RSAD2: variants seen among roughly 807,000 people sequenced by gnomAD.
RSAD2 encodes radical S-adenosyl methionine domain containing 2.
RSAD2 carries 38 observed loss-of-function variants against 37.7 expected under a neutral mutation model. The ratio of observed to expected loss-of-function variants is 1.01; its 90% CI spans 0.78 to 1.32. RSAD2 has a LOEUF of 1.32. Among genes scored for constraint, RSAD2 ranks in the 40% most tolerant of loss-of-function variants. The pLI is 0.00. For missense variants in RSAD2, 428 were observed against 437.5 expected (o/e 0.98, Z 0.19); for synonymous variants, 163 against 157.4 (o/e 1.04, Z -0.27).
rs1663676302 is a variant in RSAD2 at position 6,893,669 on chromosome 2, A to G, written c.889-2A>G. ...AAATTTGTATTAACTTCTCCTTTGC[A>G]GATGAAAGACTCCTACCTTATTCTG... On this transcript the variant is annotated splice_acceptor_variant, in intron 4 of 5. Transcript: ENST00000382040. LOFTEE classifies it high-confidence loss of function. 1 of 1,607,198 alleles carries G rather than the reference A, an allele frequency of 6.2e-7. No homozygotes were observed. The highest frequency in any genetic ancestry group is 8.5e-7 in the Non-Finnish European group (1 of 1,173,862).
chr2:6,879,233 T>C (rs1663352171), intron 1 of RSAD2, among the ~76,000 whole-genome samples: 1 of 152,074 alleles, frequency 6.6e-6, no homozygotes, highest in Non-Finnish European at 1.5e-5. Context: ...TAACTCAAAT[T>C]CCTATCATTT....
intron 1 of RSAD2, among the ~76,000 whole-genome samples, 191 bp downstream of exon 1, chr2:6,878,337 C>T (rs1249542195): frequency 1.3e-5 from 2 of 152,118 alleles, no homozygotes; most frequent in African/African-American, 2.4e-5. Context: ...GCACCTAGTC[C>T]TTCCTAAATC....
chr2:6,891,064 G>A (rs1206457234), intron 4 of RSAD2, among the ~76,000 whole-genome samples: 1 of 151,900 alleles, frequency 6.6e-6, no homozygotes, highest in Non-Finnish European at 1.5e-5. Context: ...AAAATTAAAA[G>A]TGAAATATGT....
chr2:6,891,455 G>A (rs1266350968), intron 4 of RSAD2, among the ~76,000 whole-genome samples: 1 of 152,146 alleles, frequency 6.6e-6, no homozygotes, highest in Non-Finnish European at 1.5e-5. Context: ...CTTATGTAAA[G>A]ATATGTTACT....
chr2:6,870,821 T>C (rs551058730), intron 1 of RSAD2, among the ~76,000 whole-genome samples: 11 of 152,354 alleles, frequency 7.2e-5, no homozygotes, highest in Admixed American at 3.9e-4. Flanking sequence ...GGAGCAAGTT[T>C]GTCAGGTCAC....
chr2:6,890,874 T>C (rs561704430), intron 4 of RSAD2, among the ~76,000 whole-genome samples: 1 of 152,254 alleles, frequency 6.6e-6, no homozygotes, highest in Admixed American at 6.5e-5. Context: ...CCAAAACATG[T>C]CTACACTGTG....
chr2:6,865,977 C>T, exon 1 of RSAD2: 1 of 932,652 alleles, frequency 1.1e-6, no homozygotes, highest in Non-Finnish European at 1.4e-6. Context: ...GCTCCGCGGG[C>T]CTGCGCGGTC....
chr2:6,868,928 T>C (rs1663155444), intron 1 of RSAD2, among the ~76,000 whole-genome samples: 1 of 152,200 alleles, frequency 6.6e-6, no homozygotes, highest in Non-Finnish European at 1.5e-5. Context: ...GGAGCAATAC[T>C]CCATGACATG....
intron 4 of RSAD2, among the ~76,000 whole-genome samples, chr2:6,892,289 A>C (rs1484631053): frequency 6.6e-6 from 1 of 152,234 alleles, no homozygotes; most frequent in African/African-American, 2.4e-5. Flanking sequence ...TGAAGTGAAC[A>C]TGAACAAGAA....
chr2:6,883,613 C>T lies in RSAD2; in HGVS notation c.508+81C>T, dbSNP rs1663459460. On this transcript the variant is annotated intron_variant, in intron 2 of 5. Coordinates refer to ENST00000382040, the MANE Select transcript of RSAD2 (RefSeq NM_080657.5). ...TCTTATATTTCCTTCCCTCCTGGGCCTTCAGCCAGGCCTGCTGAGGAACTG... is the reference window on the plus strand; with the variant it reads ...TCTTATATTTCCTTCCCTCCTGGGCTTTCAGCCAGGCCTGCTGAGGAACTG... The T allele has an allele frequency of 4.6e-6, 7 of 1,512,128 alleles. No homozygotes were observed. In the South Asian group the frequency reaches 8.3e-5, roughly 18 times the overall value. The allele number at this position is 1,512,128 out of a possible 1,614,324, so 93.7% of individuals were successfully genotyped here.
intron 1 of RSAD2, among the ~76,000 whole-genome samples, chr2:6,881,749 G>T (rs1663407629): frequency 6.6e-6 from 1 of 151,298 alleles, no homozygotes. Context: ...CATCTTCCTA[G>T]AATGCAGGCA....
chr2:6,872,740 G>T (rs1308372820), intron 1 of RSAD2, among the ~76,000 whole-genome samples: 5 of 152,126 alleles, frequency 3.3e-5, no homozygotes, highest in Middle Eastern at 3.2e-3. Flanking sequence ...GTGCACTCAG[G>T]TTGGCTACAA....
rs746410926 is a variant in RSAD2, at chr2:6,883,486, C to T, written c.462C>T (p.Ile154=). ...AGTTGCGGCTGCCCAGCGTGAGCAT[C>T]GTGAGCAATGGAAGCCTGATCCGGG... is the stretch of plus-strand genomic sequence containing the variant. ...KVELRLPSVS[I]VSNGSLIRER... is the part of the protein sequence containing the mutation. Residue 154 remains isoleucine, a synonymous_variant, in exon 2 of 6, where the codon ATC becomes ATT. Coordinates refer to ENST00000382040, the MANE Select transcript of RSAD2 (RefSeq NM_080657.5). 16 of 1,614,004 alleles carry T rather than the reference C, an allele frequency of 9.9e-6. No individual in the cohort carries two copies. Among genetic ancestry groups the T allele is most frequent in the East Asian group, 6.7e-5 (3 of 44,880 alleles).
Position 6,897,955 on chromosome 2 carries a change from A to G in RSAD2, c.*2013A>G, listed in dbSNP as rs1304844944. 6.8e-6 allele frequency: 1 copy of G among 147,158 alleles called. No individual in the cohort carries two copies. Among genetic ancestry groups the G allele is most frequent in the Non-Finnish European group, 1.5e-5 (1 of 67,368 alleles). 9.1% of individuals were successfully genotyped at this position (147,158 alleles called of 1,614,324 possible). ...GAGGTTACAGAGCCAAGATAGCGCC[A>G]CTGCACTCCAGCCTGGATGACAGAG... On this transcript the variant is annotated 3_prime_UTR_variant, in exon 6 of 6. Coordinates refer to ENST00000382040, the MANE Select transcript of RSAD2 (RefSeq NM_080657.5).
chr2:6,886,202 G>C (rs1189647103), intron 2 of RSAD2, among the ~76,000 whole-genome samples: 9 of 152,200 alleles, frequency 5.9e-5, no homozygotes, highest in African/African-American at 9.7e-5. Context: ...TAGCATGAAG[G>C]AGCAGAGGAA....
In RSAD2 at chr2:6,897,645, T is replaced by G. The variant is rs1209868686; in HGVS notation, c.*1703T>G. 6.6e-6 allele frequency: 1 copy of G among 152,236 alleles called. No individual in the cohort carries two copies. Among genetic ancestry groups the G allele is most frequent in the Non-Finnish European group, 1.5e-5 (1 of 68,046 alleles). The allele number at this position is 152,236 out of a possible 1,614,324, so 9.4% of individuals were successfully genotyped here. On this transcript the variant is annotated 3_prime_UTR_variant, in exon 6 of 6. Transcript: ENST00000382040. ...CCATGGGTTTTGATTGTGTCTAAGCTATGATGACCTTCATATAATCAGCAT... is the reference window on the plus strand; with the variant it reads ...CCATGGGTTTTGATTGTGTCTAAGCGATGATGACCTTCATATAATCAGCAT...
intron 3 of RSAD2, among the ~76,000 whole-genome samples, chr2:6,887,964 G>A (rs144764297): frequency 2.4e-4 from 36 of 152,350 alleles, no homozygotes; most frequent in Middle Eastern, 6.8e-3. Context: ...AGAAAGCTAT[G>A]TGTGCTACCA....
At position 6,878,041 on chromosome 2, in the gene RSAD2, C is replaced by G; in HGVS notation, c.241C>G (p.Arg81Gly). Residue 81 changes from arginine (R) to glycine (G), a missense_variant, in exon 1 of 6, where the codon CGC (arginine) becomes GGC (glycine). Physicochemically the swap from Arg to Gly is moderately radical, Grantham distance 125. Transcript: ENST00000382040. ...TPTSVNYHFTRQCNYKCGFCF... is the reference protein window; with the variant it reads ...TPTSVNYHFTGQCNYKCGFCF... ...AACCAGCGTCAACTATCACTTCACT[C>G]GCCAGTGCAACTACAAATGCGGCTT... 6.2e-7 allele frequency: 1 copy of G among 1,614,214 alleles called. No homozygotes were observed. Among genetic ancestry groups the G allele is most frequent in the Non-Finnish European group, 8.5e-7 (1 of 1,180,046 alleles).
At chr2:6,874,848 C>A (rs570863219), upstream of RSAD2, among the ~76,000 whole-genome samples, 7 of 152,136 alleles carry the variant, frequency 4.6e-5, no homozygotes, top group Non-Finnish European at 1.0e-4. Context: ...TATTTTATTT[C>A]TGTAAGTTCA....
Sources: gnomAD v4.1 joint callset for allele counts (sites outside exome capture counted in the v4.1 genomes callset) on GRCh38, gnomAD v4.1.1 for gene constraint, MANE v1.5 for transcripts, NCBI Gene and HGNC (gene_info 2026-07-23, HGNC 2026-07-21) for gene names.